The following ASIC2 variants were observed in gnomAD, a reference collection of about 807,000 sequenced individuals.
ASIC2 encodes the protein acid sensing ion channel subunit 2, also known as acid-sensing ion channel 2.
In ASIC2, 25 loss-of-function variants were observed where a neutral mutation model predicts 57.3. That is an observed-to-expected ratio of 0.44 (90% confidence interval 0.32 to 0.61). ASIC2 has a LOEUF of 0.61. Among genes scored for constraint, ASIC2 ranks in the 20% least tolerant of loss-of-function variants. The pLI is 0.06. For synonymous variants in ASIC2, 319 were observed against 307.5 expected (o/e 1.04, Z -0.39); for missense variants, 641 against 738.1 (o/e 0.87, Z 1.52).
chr17:33,613,784 C>G (rs1905502119), intron 1 of ASIC2, among the ~76,000 whole-genome samples: 1 of 152,172 alleles, frequency 6.6e-6, no homozygotes, highest in Non-Finnish European at 1.5e-5. Flanking sequence ...TGCATCAGCA[C>G]CCACGGGTCT....
chr17:33,725,002 G>A (rs901078122), intron 1 of ASIC2, among the ~76,000 whole-genome samples: 3 of 152,224 alleles, frequency 2.0e-5, no homozygotes, highest in African/African-American at 7.2e-5. Context: ...GGAAGCCACA[G>A]CCGAGATCTG....
At chr17:34,074,620 C>T (rs76372957) in intron 1 of ASIC2, among the ~76,000 whole-genome samples, 1,596 of 152,104 alleles carry the variant, frequency 0.01, 22 homozygotes, top group African/African-American at 0.036. Context: ...CCAAACCCTG[C>T]GAGTAGGTAA....
chr17:34,009,185 G>A (rs775256633), intron 1 of ASIC2, among the ~76,000 whole-genome samples: 29 of 152,216 alleles, frequency 1.9e-4, no homozygotes, highest in South Asian at 8.3e-4. Context: ...CCTCTGGGAA[G>A]TCAAATGAAC....
At chr17:33,447,735 G>T (rs955341424) in intron 1 of ASIC2, among the ~76,000 whole-genome samples, 8 of 152,072 alleles carry the variant, frequency 5.3e-5, no homozygotes, top group Admixed American at 2.0e-4. Flanking sequence ...ATATCTTGTA[G>T]AATCAGAGGA....
At chr17:33,662,969 G>A (rs1014216829) in intron 1 of ASIC2, among the ~76,000 whole-genome samples, 7 of 152,120 alleles carry the variant, frequency 4.6e-5, no homozygotes, top group Non-Finnish European at 1.0e-4. Context: ...ATGTAAAGGG[G>A]AAGACCTGCC....
chr17:33,801,215 G>A (rs1002988554), intron 1 of ASIC2, among the ~76,000 whole-genome samples: 1 of 152,160 alleles, frequency 6.6e-6, no homozygotes, highest in African/African-American at 2.4e-5. Context: ...AGAAAGGAGA[G>A]GAAGGAAAAT....
chr17:33,869,771 A>G (rs528870789), intron 1 of ASIC2, among the ~76,000 whole-genome samples: 1 of 152,366 alleles, frequency 6.6e-6, no homozygotes, highest in East Asian at 1.9e-4. Context: ...GTGACTGCTA[A>G]TAAATTCCTT....
intron 1 of ASIC2, among the ~76,000 whole-genome samples, chr17:33,451,241 A>G (rs1912237598): frequency 1.3e-5 from 2 of 151,906 alleles, no homozygotes; most frequent in Admixed American, 6.6e-5. Flanking sequence ...ATTTTTACAA[A>G]GTTTTGTATT....
chr17:33,267,708 C>CT (rs568052886), intron 1 of ASIC2, among the ~76,000 whole-genome samples: 1 of 152,208 alleles, frequency 6.6e-6, no homozygotes, highest in African/African-American at 2.4e-5. Context: ...GCTTGGAAAG[C>CT]TGCACAGGCA....
chr17:33,439,895 A>C (rs1344242448), intron 1 of ASIC2, among the ~76,000 whole-genome samples: 2 of 152,202 alleles, frequency 1.3e-5, no homozygotes, highest in African/African-American at 4.8e-5. Context: ...TGAACTCCTG[A>C]GATGCGAGCG....
intron 1 of ASIC2, among the ~76,000 whole-genome samples, chr17:34,059,653 G>A (rs1450841583): frequency 6.6e-6 from 1 of 152,138 alleles, no homozygotes; most frequent in Non-Finnish European, 1.5e-5. Context: ...GCTGTGGGAG[G>A]GGCACGGTGA....
chr17:33,771,625 A>G (rs1911115612), intron 1 of ASIC2, among the ~76,000 whole-genome samples: 1 of 152,024 alleles, frequency 6.6e-6, no homozygotes, highest in Non-Finnish European at 1.5e-5. Flanking sequence ...ACAGGCCTGC[A>G]GGGCCTTTTC....
At chr17:33,700,466 G>A (rs1597840595) in intron 1 of ASIC2, among the ~76,000 whole-genome samples, 1 of 152,112 alleles carries the variant, frequency 6.6e-6, no homozygotes, top group South Asian at 2.1e-4. Context: ...CAAAATACAT[G>A]AAGAAGCAAG....
At chr17:33,551,191 G>A (rs778309663) in intron 1 of ASIC2, among the ~76,000 whole-genome samples, 12 of 152,114 alleles carry the variant, frequency 7.9e-5, no homozygotes, top group Non-Finnish European at 1.6e-4. Flanking sequence ...GTGCTTTTTC[G>A]ATGAATATGT....
intron 1 of ASIC2, among the ~76,000 whole-genome samples, chr17:33,830,533 A>G (rs1424293239): frequency 7.8e-6 from 1 of 127,616 alleles, no homozygotes; most frequent in African/African-American, 3.1e-5. Context: ...AGGTGTTTTT[A>G]AACATATTTA....
chr17:33,118,936 G>T (rs1306544464), intron 1 of ASIC2, among the ~76,000 whole-genome samples: 1 of 152,160 alleles, frequency 6.6e-6, no homozygotes, highest in Admixed American at 6.5e-5. Context: ...ATCTGCTGGG[G>T]TATTCCGCCT....
intron 1 of ASIC2, among the ~76,000 whole-genome samples, chr17:33,974,774 A>G (rs1905324967): frequency 6.6e-6 from 1 of 151,786 alleles, no homozygotes. Context: ...ATTGCCCAGT[A>G]TCCATCCATT....
chr17:33,587,665 T>A (rs948914271), intron 1 of ASIC2, among the ~76,000 whole-genome samples: 4 of 152,156 alleles, frequency 2.6e-5, no homozygotes, highest in Non-Finnish European at 4.4e-5. Flanking sequence ...GCATAACACT[T>A]GTAGTGAGCA....
intron 1 of ASIC2, among the ~76,000 whole-genome samples, chr17:33,151,214 C>A (rs910230534): frequency 7.3e-5 from 11 of 151,382 alleles, no homozygotes; most frequent in Non-Finnish European, 1.0e-4. Flanking sequence ...CGCACACACA[C>A]ACACACACAA....
Sources: gnomAD v4.1 joint callset for allele counts (sites outside exome capture counted in the v4.1 genomes callset) on GRCh38, gnomAD v4.1.1 for gene constraint, MANE v1.5 for transcripts, NCBI Gene and HGNC (gene_info 2026-07-23, HGNC 2026-07-21) for gene names.